The following TENM3 variants were observed in gnomAD, a reference collection of about 807,000 sequenced individuals.
The protein encoded by TENM3 is teneurin-3.
TENM3 carries 63 observed loss-of-function variants against 255.1 expected under a neutral mutation model. The observed-to-expected ratio is 0.25, with a 90% CI of 0.20 to 0.30. TENM3 has a LOEUF of 0.30. TENM3 is among the 10% of genes least tolerant of loss of function. The probability of loss-of-function intolerance (pLI) is 1.00; values close to 1 mark genes in which losing one functional copy is unlikely to be tolerated. For missense variants in TENM3, 2,929 were observed against 3,461.1 expected (o/e 0.85, Z 3.86); for synonymous variants, 1,306 against 1,322.3 (o/e 0.99, Z 0.27).
At chr4:182,059,745 CAAAAAAAAAAAAAAAAAGA>C in the TENM3 span, among the ~76,000 whole-genome samples, 4 of 43,186 alleles carry the variant, frequency 9.3e-5, no homozygotes. Context: ...TCTGTCTCTA[CAAAAAAAAAAAAAAAAAGA>C]AAAAAAAAAA....
the TENM3 span, among the ~76,000 whole-genome samples, chr4:182,061,059 T>G: frequency 6.6e-6 from 1 of 152,174 alleles, no homozygotes; most frequent in Non-Finnish European, 1.5e-5. Context: ...ACATACGTGA[T>G]TCAGTTGTCA....
the TENM3 span, among the ~76,000 whole-genome samples, chr4:181,639,139 C>G: frequency 6.6e-6 from 1 of 152,090 alleles, no homozygotes; most frequent in African/African-American, 2.4e-5. Flanking sequence ...GAAAGTTCTT[C>G]TGGACTCTGC....
At chr4:182,101,076 A>AGGGAGGGAGGGAGGGAGGG in the TENM3 span, among the ~76,000 whole-genome samples, 1 of 10,594 alleles carries the variant, frequency 9.4e-5, no homozygotes, top group South Asian at 4.7e-3. Context: ...AAAAGAAAGG[A>AGGGAGGGAGGGAGGGAGGG]AGGGAGGGAG....
chr4:182,672,963 TAAAAAAAATTTG>T, intron 6 of TENM3, 30 bp from the exon 7 acceptor site: 2 of 1,378,334 alleles, frequency 1.5e-6, no homozygotes, highest in Non-Finnish European at 2.0e-6. Context: ...TTTGTTTTTT[TAAAAAAAATTTG>T]TTCTTCATCA....
At chr4:182,248,098 A>G (rs556621238) in intron 1 of TENM3, among the ~76,000 whole-genome samples, 19 of 152,322 alleles carry the variant, frequency 1.2e-4, no homozygotes, top group Non-Finnish European at 2.1e-4. Flanking sequence ...GCTTTTAAGC[A>G]AGCATATATG....
the TENM3 span, among the ~76,000 whole-genome samples, chr4:181,684,612 C>T: frequency 4.6e-5 from 7 of 152,124 alleles, no homozygotes; most frequent in African/African-American, 1.7e-4. Flanking sequence ...ATGCTGATTC[C>T]GATGGGGCAA....
At chr4:181,910,574 A>G in the TENM3 span, among the ~76,000 whole-genome samples, 1 of 140,930 alleles carries the variant, frequency 7.1e-6, no homozygotes, top group Non-Finnish European at 1.5e-5. Context: ...TATATATATA[A>G]TGTACATATG....
chr4:182,620,505 T>G (rs1163170521), intron 4 of TENM3, among the ~76,000 whole-genome samples: 1 of 152,240 alleles, frequency 6.6e-6, no homozygotes, highest in African/African-American at 2.4e-5. Flanking sequence ...GAAAATATAC[T>G]GACATAGATC....
chr4:182,263,600 CT>C (rs200581701), intron 1 of TENM3, among the ~76,000 whole-genome samples: 1 of 150,822 alleles, frequency 6.6e-6, no homozygotes, highest in South Asian at 2.1e-4. Context: ...ATTCCCCCCC[CT>C]ACCTTCACGA....
chr4:182,792,925 G>A lies in TENM3; in HGVS notation c.6253G>A (p.Gly2085Ser), dbSNP rs1766217467. 1.9e-6 allele frequency: 3 copies of A among 1,613,706 alleles called. No homozygotes were observed. Among genetic ancestry groups the A allele is most frequent in the African/African-American group, 1.3e-5 (1 of 74,896 alleles). The change falls in exon 26 of 28, where the codon GGC becomes AGC. Residue 2085 changes from glycine to serine, a missense_variant. Gly to Ser is a moderately conservative substitution (Grantham distance 56). Around this residue, in one of 6 missense-constraint regions of TENM3, gnomAD observed 256 missense variants for 389.3 expected, o/e 0.66. Transcript: ENST00000511685. The surrounding 1 kb of genome is among the most constrained non-coding windows in gnomAD (Gnocchi z 6.3). ...MTYTKHFDAH[G>S]RIKEIQYEIF... is the part of the protein sequence containing the mutation. ...CTATACGAAGCACTTTGATGCTCAT[G>A]GCCGTATCAAGGAGATTCAATATGA...
intron 3 of TENM3, among the ~76,000 whole-genome samples, chr4:182,564,685 G>T (rs1743587809): frequency 6.6e-6 from 1 of 151,062 alleles, no homozygotes; most frequent in East Asian, 2.0e-4. Flanking sequence ...TGGCTAAAGT[G>T]CCCTATTGTT....
intron 16 of TENM3, among the ~76,000 whole-genome samples, chr4:182,732,827 A>G (rs1178811544): frequency 6.6e-6 from 1 of 152,222 alleles, no homozygotes; most frequent in African/African-American, 2.4e-5. Flanking sequence ...CCCTGTCTCA[A>G]AAATATATAT....
At chr4:182,530,923 C>T (rs1302355660) in intron 3 of TENM3, among the ~76,000 whole-genome samples, 4 of 152,296 alleles carry the variant, frequency 2.6e-5, no homozygotes, top group East Asian at 1.9e-4. Flanking sequence ...GAAATCAAAT[C>T]GTTTTTGTTG....
chr4:182,720,593 A>G (rs1759637903), intron 13 of TENM3, among the ~76,000 whole-genome samples: 1 of 152,144 alleles, frequency 6.6e-6, no homozygotes, highest in Admixed American at 6.6e-5. Context: ...ATTTTAGAGG[A>G]TAGTGAATCC....
chr4:182,503,936 A>G (rs1736564688), intron 3 of TENM3, among the ~76,000 whole-genome samples: 1 of 151,596 alleles, frequency 6.6e-6, no homozygotes, highest in Non-Finnish European at 1.5e-5. Context: ...TTACTCTTCT[A>G]TTTTCTGTTT....
intron 3 of TENM3, among the ~76,000 whole-genome samples, chr4:182,538,467 T>C (rs879371956): frequency 7.2e-5 from 11 of 152,262 alleles, no homozygotes; most frequent in Non-Finnish European, 1.5e-4. Flanking sequence ...GTAGAGCATA[T>C]GCAGAAGTAG....
At chr4:182,669,614 A>T in intron 6 of TENM3, among the ~76,000 whole-genome samples, 1 of 152,300 alleles carries the variant, frequency 6.6e-6, no homozygotes, top group African/African-American at 2.4e-5. Context: ...AACTTATAAA[A>T]ATAAGTATAA....
chr4:182,751,746 C>G lies in TENM3; in HGVS notation c.3630-54C>G, dbSNP rs1255074425. On this transcript the variant is annotated intron_variant, in intron 19 of 27. Coordinates refer to ENST00000511685, the MANE Select transcript of TENM3 (RefSeq NM_001080477.4). The stretch of plus-strand genomic sequence containing the variant: ...CTGTTTTATTTTGCTTTTAATTTCC[C>G]TCTGTGTATTAGGAGTAACTCCCTT... 9 of 1,291,544 alleles carry G rather than the reference C, an allele frequency of 7.0e-6. No homozygotes were observed. The East Asian group carries it at 1.6e-4, about 23-fold the overall frequency. The allele number at this position is 1,291,544 out of a possible 1,614,324, so 80.0% of individuals were successfully genotyped here.
the TENM3 span, among the ~76,000 whole-genome samples, chr4:181,579,845 C>A: frequency 5.3e-5 from 8 of 152,100 alleles, no homozygotes; most frequent in African/African-American, 1.4e-4. Flanking sequence ...TCATAGTAAA[C>A]CTACCCACCT....
Sources: gnomAD v4.1 joint callset for allele counts (sites outside exome capture counted in the v4.1 genomes callset) on GRCh38, gnomAD v4.1.1 for gene constraint, gnomAD v4.1.1 regional missense constraint, Gnocchi (gnomAD v3.1) non-coding constraint, MANE v1.5 for transcripts, NCBI Gene and HGNC (gene_info 2026-07-23, HGNC 2026-07-21) for gene names.